The following KIF6 variants were observed in gnomAD, a reference collection of about 807,000 sequenced individuals.
KIF6 encodes kinesin family member 6, also known as kinesin-like protein KIF6.
Under a neutral mutation model 112.7 loss-of-function variants are expected in KIF6, and 106 were observed. The ratio of observed to expected loss-of-function variants is 0.94; its 90% CI spans 0.80 to 1.11. The LOEUF (loss-of-function observed/expected upper bound fraction) is 1.11. Ranked by LOEUF, KIF6 falls within the 50% of genes least tolerant of loss-of-function variation. The probability of loss-of-function intolerance (pLI) is 0.00; values close to 1 mark genes in which losing one functional copy is unlikely to be tolerated. For missense variants in KIF6, 929 were observed against 964.0 expected (o/e 0.96, Z 0.48); for synonymous variants, 339 against 339.9 (o/e 1.00, Z 0.03).
intron 13 of KIF6, among the ~76,000 whole-genome samples, chr6:39,514,231 A>G (rs907791554): frequency 6.6e-6 from 1 of 152,246 alleles, no homozygotes; most frequent in Non-Finnish European, 1.5e-5. Context: ...CATTTATAAA[A>G]TGTCTAGATC....
intron 13 of KIF6, among the ~76,000 whole-genome samples, chr6:39,456,144 G>A (rs1773084247): frequency 8.4e-5 from 1 of 11,954 alleles, no homozygotes; most frequent in Non-Finnish European, 1.7e-4. Context: ...CCCTCAAAGG[G>A]AAGCCCATCA....
At chr6:39,526,574 C>T (rs1383312755) in intron 13 of KIF6, among the ~76,000 whole-genome samples, 1 of 152,196 alleles carries the variant, frequency 6.6e-6, no homozygotes, top group African/African-American at 2.4e-5. Flanking sequence ...TGTACTTACT[C>T]ACTCTCATGT....
chr6:39,539,925 G>T, intron 13 of KIF6, 78 bp downstream of exon 13: 1 of 1,017,426 alleles, frequency 9.8e-7, no homozygotes, highest in Non-Finnish European at 1.4e-6. Flanking sequence ...CCTTCATCCT[G>T]ATACATGTAA....
chr6:39,717,198 G>A (rs1359493399), intron 2 of KIF6, among the ~76,000 whole-genome samples: 6 of 151,930 alleles, frequency 3.9e-5, no homozygotes, highest in African/African-American at 1.5e-4. Context: ...TCCTCACAAT[G>A]ACTTATAAGG....
intron 16 of KIF6, among the ~76,000 whole-genome samples, chr6:39,376,132 A>G (rs1766423167): frequency 6.6e-6 from 1 of 152,200 alleles, no homozygotes; most frequent in African/African-American, 2.4e-5. Flanking sequence ...CACACTGTTG[A>G]TGGTTTTACA....
At chr6:39,414,419 C>T (rs1769747030) in intron 15 of KIF6, among the ~76,000 whole-genome samples, 1 of 152,182 alleles carries the variant, frequency 6.6e-6, no homozygotes, top group East Asian at 1.9e-4. Context: ...AGTTGAAACA[C>T]ATGTGGGACA....
intron 10 of KIF6, among the ~76,000 whole-genome samples, chr6:39,553,096 T>C (rs1303470774): frequency 1.3e-5 from 2 of 152,250 alleles, no homozygotes; most frequent in African/African-American, 4.8e-5. Flanking sequence ...TTTTTCCTTT[T>C]GCAGTTTCCT....
chr6:39,481,861 G>T (rs140653905), intron 13 of KIF6, among the ~76,000 whole-genome samples: 3 of 152,026 alleles, frequency 2.0e-5, no homozygotes, highest in African/African-American at 7.3e-5. Context: ...TTCCAAGGCC[G>T]CTCCCTTCCC....
At chr6:39,583,471 T>G (rs1781410669) in intron 9 of KIF6, 1 of 471,510 alleles carries the variant, frequency 2.1e-6, no homozygotes, top group South Asian at 1.5e-5. Context: ...CAGAGGAGCT[T>G]GGTGCTTTCT....
Position 39,343,864 on chromosome 6 carries a change from A to G in KIF6, c.2322-49T>C. 9.1e-7 allele frequency: 1 copy of G among 1,103,534 alleles called. No homozygotes were observed. Among genetic ancestry groups the G allele is most frequent in the South Asian group, 1.5e-5 (1 of 67,476 alleles). The allele number at this position is 1,103,534 out of a possible 1,614,324, so 68.4% of individuals were successfully genotyped here. On this transcript the variant is annotated intron_variant, in intron 21 of 22. Coordinates refer to ENST00000287152, the MANE Select transcript of KIF6 (RefSeq NM_145027.6). The surrounding 1 kb of genome is among the most constrained non-coding windows in gnomAD (Gnocchi z 4.1). Reference sequence around the variant, plus strand: ...TTTACTACACTTTACAACTGGACTCACCACTTATATTTCCAAAATGCTTTT... The same window carrying G: ...TTTACTACACTTTACAACTGGACTCGCCACTTATATTTCCAAAATGCTTTT...
chr6:39,520,033 TAAAC>T (rs988428391), intron 13 of KIF6, among the ~76,000 whole-genome samples: 2 of 151,948 alleles, frequency 1.3e-5, no homozygotes, highest in Non-Finnish European at 2.9e-5. Flanking sequence ...AACAAACAAA[TAAAC>T]AAACTAACAA....
chr6:39,667,989 G>A (rs1391656584), intron 3 of KIF6, among the ~76,000 whole-genome samples: 2 of 152,124 alleles, frequency 1.3e-5, no homozygotes, highest in African/African-American at 4.8e-5. Context: ...GAGAGATCTG[G>A]TTGTTTAAAA....
At chr6:39,413,566 A>G (rs140860563) in intron 15 of KIF6, among the ~76,000 whole-genome samples, 28 of 152,224 alleles carry the variant, frequency 1.8e-4, no homozygotes, top group South Asian at 1.5e-3. Flanking sequence ...CGTCCCTCCA[A>G]TGACTTTTGC....
chr6:39,528,701 T>A (rs960921858), intron 13 of KIF6, among the ~76,000 whole-genome samples: 1 of 152,230 alleles, frequency 6.6e-6, no homozygotes, highest in Admixed American at 6.5e-5. Flanking sequence ...TTGCAGTTTT[T>A]AATTTGCATT....
In KIF6 at chr6:39,694,865, A is replaced by C. The variant is rs114278862; in HGVS notation, c.251+19827T>G. ...AAAAAAAGCTCAAAGAGTCAAAACAATCCTAAGCAAAAAGAATAAAGCCAG... is the reference window on the plus strand; with the variant it reads ...AAAAAAAGCTCAAAGAGTCAAAACACTCCTAAGCAAAAAGAATAAAGCCAG... On this transcript the variant is annotated intron_variant, in intron 3 of 22. Transcript: ENST00000287152. Among the ~76,000 whole-genome samples, 1,323 of 152,274 alleles carry C rather than the reference A, an allele frequency of 8.7e-3. 20 individuals are homozygous for C. The highest frequency in any genetic ancestry group is 0.03 in the African/African-American group (1,260 of 41,556).
intron 8 of KIF6, 53 bp downstream of exon 8, chr6:39,586,208 G>T: frequency 6.3e-7 from 1 of 1,599,008 alleles, no homozygotes; most frequent in Non-Finnish European, 8.6e-7. Flanking sequence ...TCCGTCTCAC[G>T]TGCTAGCAGT....
In KIF6 at chr6:39,634,953, G is replaced by A. The variant is rs1316069662; in HGVS notation, c.405C>T (p.Ser135=). The change falls in exon 5 of 23, where the codon AGC becomes AGT. Residue 135 remains serine, a synonymous_variant. Coordinates refer to ENST00000287152, the MANE Select transcript of KIF6 (RefSeq NM_145027.6). ...AAATGTGTGTTGTATATATTTTGCTGCTGTCCTGATTGGAAAAGGGAAAGG... is the reference window on the plus strand; with the variant it reads ...AAATGTGTGTTGTATATATTTTGCTACTGTCCTGATTGGAAAAGGGAAAGG... The part of the protein sequence containing the change: ...SYIFEQLQKD[S]SKIYTTHISY... 3 of 1,577,990 alleles carry A rather than the reference G, an allele frequency of 1.9e-6. No homozygotes were observed. Among genetic ancestry groups the A allele is most frequent in the African/African-American group, 1.3e-5 (1 of 74,158 alleles).
intron 12 of KIF6, among the ~76,000 whole-genome samples, chr6:39,540,940 T>C (rs1778753197): frequency 6.6e-6 from 1 of 152,246 alleles, no homozygotes; most frequent in Non-Finnish European, 1.5e-5. Context: ...CCTACTTCAG[T>C]GTTCATTCTG....
chr6:39,385,948 T>A (rs1177900494), intron 15 of KIF6, among the ~76,000 whole-genome samples: 2 of 152,208 alleles, frequency 1.3e-5, no homozygotes, highest in East Asian at 1.9e-4. Context: ...CTGTCACCCA[T>A]AACTTTCACT....
Sources: allele counts gnomAD v4.1 joint callset (sites outside exome capture counted in the v4.1 genomes callset), GRCh38; gene constraint gnomAD v4.1.1; non-coding constraint Gnocchi (gnomAD v3.1); transcripts MANE v1.5; gene names NCBI Gene and HGNC (gene_info 2026-07-23, HGNC 2026-07-21).